The following BCAT1 variants were observed in gnomAD, a reference collection of about 807,000 sequenced individuals.
BCAT1 encodes the protein branched chain amino acid transaminase 1, also known as branched-chain-amino-acid aminotransferase, cytosolic.
BCAT1 carries 48 observed loss-of-function variants against 52.4 expected under a neutral mutation model. That is an observed-to-expected ratio of 0.92 (90% CI 0.73 to 1.16). The LOEUF (loss-of-function observed/expected upper bound fraction) is 1.16, where lower values mean the gene tolerates loss of function less well. BCAT1 is among the 50% of genes most tolerant of loss of function. The pLI, the probability that BCAT1 is intolerant of heterozygous loss-of-function variation, is 0.00. For synonymous variants in BCAT1, 167 were observed against 161.3 expected (o/e 1.04, Z -0.27); for missense variants, 451 against 457.1 (o/e 0.99, Z 0.12).
chr12:24,851,408 T>C (rs1182080292), intron 5 of BCAT1, among the ~76,000 whole-genome samples: 1 of 152,206 alleles, frequency 6.6e-6, no homozygotes, highest in Admixed American at 6.5e-5. Flanking sequence ...CCTCACCCAC[T>C]GCTCAACACT....
chr12:24,884,598 C>T (rs1023469667), intron 3 of BCAT1, among the ~76,000 whole-genome samples: 2 of 152,052 alleles, frequency 1.3e-5, no homozygotes, highest in African/African-American at 4.8e-5. Context: ...CATCGTACCC[C>T]ATAAATAAAT....
chr12:24,856,170 C>A (rs772741960), intron 5 of BCAT1, among the ~76,000 whole-genome samples: 12 of 152,136 alleles, frequency 7.9e-5, no homozygotes, highest in Non-Finnish European at 1.6e-4. Context: ...GCTTCTTGAC[C>A]TGCAAATAAA....
intron 4 of BCAT1, among the ~76,000 whole-genome samples, chr12:24,879,431 C>T (rs570699910): frequency 1.3e-5 from 2 of 152,222 alleles, no homozygotes; most frequent in East Asian, 3.9e-4. Context: ...ATAATTTAGT[C>T]TCTGCTCACT....
intron 1 of BCAT1, chr12:24,902,332 G>T (rs759620196): frequency 2.4e-6 from 3 of 1,234,106 alleles, no homozygotes; most frequent in Non-Finnish European, 3.0e-6. Context: ...AGGGAACGGG[G>T]ACGGGCGTGA....
At chr12:24,941,709 C>T (rs533462593) in intron 1 of BCAT1, among the ~76,000 whole-genome samples, 39 of 152,216 alleles carry the variant, frequency 2.6e-4, no homozygotes, top group African/African-American at 9.1e-4. Context: ...AAAGCACAGT[C>T]GAATTAAAGC....
Position 24,824,231 on chromosome 12 carries a change from T to TTTCCTTCCTTCCTTCC in BCAT1, c.1119+5576_1119+5591dup, listed in dbSNP as rs560798912. Among the ~76,000 whole-genome samples the TTTCCTTCCTTCCTTCC allele has an allele frequency of 5.9e-3, 124 of 21,126 alleles. 1 individual carries two copies. The highest frequency in any genetic ancestry group is 0.012 in the African/African-American group (106 of 8,540). The allele number at this position is 21,126 out of a possible 152,430, so 13.9% of individuals were successfully genotyped here. A position where few individuals can be genotyped will look rare whatever the true frequency, so the allele number is the denominator to read the frequency against. On this transcript the variant is annotated intron_variant, in intron 10 of 10. Transcript: ENST00000261192. ...TACAGCCAAATCAAATGAGTTTACATTTCCTTCCTTCCTTCCTTCCTTCCT... is the reference window on the plus strand; with the variant it reads ...TACAGCCAAATCAAATGAGTTTACATTTCCTTCCTTCCTTCCTTCCTTCCTTCCTTCCTTCCTTCCT...
At chr12:24,898,727 G>C (rs1353444881) in intron 2 of BCAT1, among the ~76,000 whole-genome samples, 1 of 151,578 alleles carries the variant, frequency 6.6e-6, no homozygotes, top group East Asian at 1.9e-4. Flanking sequence ...TGTTGGCCAG[G>C]CTAGTCTCAA....
intron 1 of BCAT1, among the ~76,000 whole-genome samples, chr12:24,938,096 C>A (rs1418691978): frequency 6.6e-6 from 1 of 152,136 alleles, no homozygotes; most frequent in Non-Finnish European, 1.5e-5. Flanking sequence ...GTGCTAAAAT[C>A]TACAGTGGAT....
At chr12:24,911,461 A>G (rs955000007) in intron 1 of BCAT1, among the ~76,000 whole-genome samples, 2 of 152,220 alleles carry the variant, frequency 1.3e-5, no homozygotes, top group Non-Finnish European at 2.9e-5. Flanking sequence ...ACAGCGTGGC[A>G]GGGTGACACA....
At chr12:24,923,587 T>C (rs73293743) in intron 1 of BCAT1, among the ~76,000 whole-genome samples, 3,629 of 152,214 alleles carry the variant, frequency 0.024, 118 homozygotes, top group African/African-American at 0.069. Context: ...TTTGTTTGTT[T>C]TTTGTAGAGT....
intron 1 of BCAT1, among the ~76,000 whole-genome samples, chr12:24,907,291 T>A (rs906882947): frequency 1.3e-5 from 2 of 152,254 alleles, no homozygotes; most frequent in Non-Finnish European, 2.9e-5. Flanking sequence ...TGGGTTCCTC[T>A]GCTGTTTATT....
chr12:24,868,843 A>C (rs1375812885), intron 5 of BCAT1, among the ~76,000 whole-genome samples: 6 of 152,244 alleles, frequency 3.9e-5, no homozygotes, highest in Non-Finnish European at 5.9e-5. Context: ...GTGACAAAGC[A>C]AGACACAGAC....
At chr12:24,837,581 C>T (rs185832574) in intron 7 of BCAT1, among the ~76,000 whole-genome samples, 19 of 152,052 alleles carry the variant, frequency 1.2e-4, no homozygotes, top group Admixed American at 9.2e-4. Context: ...TACGCGCCAC[C>T]ACGCCTGGCT....
intron 5 of BCAT1, among the ~76,000 whole-genome samples, chr12:24,860,710 G>A (rs907013814): frequency 2.0e-5 from 3 of 152,252 alleles, no homozygotes; most frequent in Admixed American, 2.0e-4. Context: ...GGAAAAGCTG[G>A]CCTCATACCT....
chr12:24,829,836 A>G lies in BCAT1; in HGVS notation c.1106T>C (p.Leu369Ser). The G allele has an allele frequency of 6.2e-7, 1 of 1,610,012 alleles. No homozygotes were observed. The highest frequency in any genetic ancestry group is 1.1e-5 in the South Asian group (1 of 90,222). The part of the protein sequence containing the change: ...PKLASRILSK[L>S]TDIQYGREES... ...GAAAAGCTTTACCTGGATATCAGTT[A>G]ATTTGCTCAAGATGCGGCTTGCCAG... The change falls in exon 10 of 11, where the codon TTA becomes TCA. Residue 369 changes from leucine (L) to serine (S), a missense_variant. Coordinates refer to ENST00000261192, the MANE Select transcript of BCAT1 (RefSeq NM_005504.7).
chr12:24,861,077 G>A (rs1591816614), intron 5 of BCAT1, among the ~76,000 whole-genome samples: 1 of 152,158 alleles, frequency 6.6e-6, no homozygotes, highest in South Asian at 2.1e-4. Flanking sequence ...ATGGGAGACT[G>A]GAGAGAGAAA....
intron 4 of BCAT1, 116 bp from the exon 5 acceptor site, chr12:24,878,765 A>T (rs1591832537): frequency 9.6e-7 from 1 of 1,040,540 alleles, no homozygotes; most frequent in East Asian, 2.7e-5. Context: ...ACACAAAAAA[A>T]TAAGAAATGT....
intron 1 of BCAT1, among the ~76,000 whole-genome samples, chr12:24,929,961 C>T (rs1043101982): frequency 6.6e-6 from 1 of 152,250 alleles, no homozygotes; most frequent in Admixed American, 6.5e-5. Context: ...CTCTCTCCCA[C>T]ATCACTTTCC....
In BCAT1 at chr12:24,810,509, C is replaced by T. The variant is rs1316591741; in HGVS notation, c.*7499G>A. 6.6e-6 allele frequency: 1 copy of T among 152,282 alleles called. No homozygotes were observed. The highest frequency in any genetic ancestry group is 1.9e-4 in the East Asian group (1 of 5,186). 9.4% of individuals were successfully genotyped at this position (152,282 alleles called of 1,614,324 possible). ...TGTCTTATCTGATAAATTATATAAG[C>T]TCCAGTAAATGTATGTCATCACCCT... On this transcript the variant is annotated 3_prime_UTR_variant, in exon 11 of 11. Coordinates refer to ENST00000261192, the MANE Select transcript of BCAT1 (RefSeq NM_005504.7).
Sources: gnomAD v4.1 joint callset for allele counts (sites outside exome capture counted in the v4.1 genomes callset) on GRCh38, gnomAD v4.1.1 for gene constraint, MANE v1.5 for transcripts, NCBI Gene and HGNC (gene_info 2026-07-23, HGNC 2026-07-21) for gene names.